The following SH2D3C variants were observed in gnomAD, a reference collection of about 807,000 sequenced individuals.
SH2D3C encodes the protein SH2 domain containing 3C.
A neutral mutation model predicts 75.2 loss-of-function variants in SH2D3C; 25 were observed. The ratio of observed to expected loss-of-function variants is 0.33; its 90% CI spans 0.24 to 0.46. The LOEUF is 0.46. SH2D3C is among the 20% of genes least tolerant of loss of function. The pLI is 1.00. For missense variants in SH2D3C, 933 were observed against 1,165.3 expected, an observed-to-expected ratio of 0.80 and a Z score of 2.90; for synonymous variants, 450 against 473.7, an observed-to-expected ratio of 0.95 and a Z score of 0.65.
At position 127,738,460 on chromosome 9, in the gene SH2D3C, G is replaced by T. The variant is rs1242582217; in HGVS notation, c.*286C>A. ...GAGAGTGAGGAGGCGTGAGCAGCCTGCCTCCCATGGCTCGAAAACAGGGAA... is the reference window on the plus strand; with the variant it reads ...GAGAGTGAGGAGGCGTGAGCAGCCTTCCTCCCATGGCTCGAAAACAGGGAA... On this transcript the variant is annotated 3_prime_UTR_variant, in exon 12 of 12. Coordinates refer to ENST00000314830, the MANE Select transcript of SH2D3C (RefSeq NM_170600.3). This position sits in a 1 kb window ranked among gnomAD's most constrained non-coding sequence, Gnocchi z 5.0. 12 of 302,580 alleles carry T rather than the reference G, an allele frequency of 4.0e-5. No homozygotes were observed. The highest frequency in any genetic ancestry group is 1.8e-5 in the Non-Finnish European group (3 of 162,432). 18.7% of individuals were successfully genotyped at this position (302,580 alleles called of 1,614,324 possible). A position where few individuals can be genotyped will look rare whatever the true frequency, so the allele number is the denominator to read the frequency against.
At chr9:127,766,809 A>C in intron 2 of SH2D3C, 1 of 858,538 alleles carries the variant, frequency 1.2e-6, no homozygotes, top group Non-Finnish European at 1.8e-6. Context: ...GCATCAGGTG[A>C]TCCACCTGCC....
rs982355058 is a variant in SH2D3C at position 127,749,838 on chromosome 9, G to T, written c.685-173C>A. Among the ~76,000 whole-genome samples the T allele has an allele frequency of 6.6e-6, 1 of 152,130 alleles. No individual in the cohort carries two copies. ...CTGAGAGCGGGGATGCAATGACCCA[G>T]GTTCACAGGGGGCACCTCAGCCAGA... On this transcript the variant is annotated intron_variant, in intron 4 of 11. Transcript: ENST00000314830. The surrounding 1 kb of genome is among the most constrained non-coding windows in gnomAD (Gnocchi z 5.9).
chr9:127,744,841 C>A lies in SH2D3C; in HGVS notation c.1523G>T (p.Trp508Leu), dbSNP rs765719751. The change falls in exon 7 of 12, where the codon TGG (tryptophan) becomes TTG (leucine). Residue 508 changes from tryptophan to leucine, a missense_variant. Coordinates refer to ENST00000314830, the MANE Select transcript of SH2D3C (RefSeq NM_170600.3). ...CTGGCTGGAGGTCTCAGTCGCTGCC[C>A]ACTCTCGGCTGCCACGCACGGGAGG... is the stretch of plus-strand genomic sequence containing the variant. ...LQPPVRGSRE[W>L]AATETSSQQA... 2 of 1,614,038 alleles carry A rather than the reference C, an allele frequency of 1.2e-6. No homozygotes were observed. The highest frequency in any genetic ancestry group is 1.3e-5 in the African/African-American group (1 of 74,922).
rs2131729888 is a variant in SH2D3C, at chr9:127,739,724, G to A, written c.2365C>T (p.His789Tyr). 1 of 1,610,930 alleles carries A rather than the reference G, an allele frequency of 6.2e-7. No individual in the cohort carries two copies. The highest frequency in any genetic ancestry group is 2.2e-5 in the East Asian group (1 of 44,872). Reference sequence around the variant, plus strand: ...GCATTGGTGTGGTACAGGCCTCCGTGGTGTGCCACTGTGCGGGCGGCCTCC... The same window carrying A: ...GCATTGGTGTGGTACAGGCCTCCGTAGTGTGCCACTGTGCGGGCGGCCTCC... ...HLEAARTVAH[H>Y]GGLYHTNAEV... Residue 789 changes from histidine (H) to tyrosine (Y), a missense_variant, in exon 11 of 12, where the codon CAC (histidine) becomes TAC (tyrosine). Transcript: ENST00000314830. The surrounding 1 kb of genome is among the most constrained non-coding windows in gnomAD (Gnocchi z 4.3).
intron 1 of SH2D3C, among the ~76,000 whole-genome samples, chr9:127,776,736 C>T (rs1845817664): frequency 6.6e-6 from 1 of 152,126 alleles, no homozygotes. Flanking sequence ...GAGGGACTCC[C>T]CCAGGGTCAC....
chr9:127,751,300 A>T lies in SH2D3C; in HGVS notation c.556T>A (p.Phe186Ile). 2 of 1,613,722 alleles carry T rather than the reference A, an allele frequency of 1.2e-6. No individual in the cohort carries two copies. The highest frequency in any genetic ancestry group is 1.7e-6 in the Non-Finnish European group (2 of 1,179,760). Reference sequence around the variant, plus strand: ...TCCAGGATGTACTTCTCCTTGGAGAACTGGGTAGAAAACAGCAAGAGTTGG... The same window carrying T: ...TCCAGGATGTACTTCTCCTTGGAGATCTGGGTAGAAAACAGCAAGAGTTGG... ...EPEAGSDYVK[F>I]SKEKYILDSS... Residue 186 changes from phenylalanine to isoleucine, a missense_variant and splice_region_variant, in exon 4 of 12, where the codon TTC becomes ATC. Coordinates refer to ENST00000314830, the MANE Select transcript of SH2D3C (RefSeq NM_170600.3). The surrounding 1 kb of genome is among the most constrained non-coding windows in gnomAD (Gnocchi z 4.1).
chr9:127,769,657 GAA>G (rs11368432), intron 2 of SH2D3C, among the ~76,000 whole-genome samples: 42 of 88,338 alleles, frequency 4.8e-4, no homozygotes, highest in African/African-American at 7.0e-4. Flanking sequence ...ACTCCATCTC[GAA>G]AAAAAAAAAA....
At chr9:127,771,478 C>T in intron 2 of SH2D3C, 5 of 888,182 alleles carry the variant, frequency 5.6e-6, no homozygotes, top group Non-Finnish European at 7.8e-6. Context: ...CCGCCCCCTC[C>T]CCATCAGTCA....
chr9:127,778,639 G>T lies in SH2D3C; in HGVS notation c.-12C>A. 1 of 1,613,444 alleles carries T rather than the reference G, an allele frequency of 6.2e-7. No individual in the cohort carries two copies. The highest frequency in any genetic ancestry group is 8.5e-7 in the Non-Finnish European group (1 of 1,179,392). On this transcript the variant is annotated 5_prime_UTR_variant, in exon 1 of 12. Transcript: ENST00000314830. ...GTCCCCTCTGTCATCTTGGCAAATT[G>T]TGTGAAGCCCTTGGCCAGCTTGCGA...
chr9:127,739,316 C>T lies in SH2D3C; in HGVS notation c.2407+366G>A, dbSNP rs564839817. Among the ~76,000 whole-genome samples, 5 of 152,074 alleles carry T rather than the reference C, an allele frequency of 3.3e-5. 1 individual carries two copies. Among genetic ancestry groups the T allele is most frequent in the South Asian group, 2.1e-4 (1 of 4,804 alleles). The stretch of plus-strand genomic sequence containing the variant: ...CCTGAGGTCAGGAGTTCAAGACCAG[C>T]GGCCCAACATGGTGGAACCCCACCT... On this transcript the variant is annotated intron_variant, in intron 11 of 11. Coordinates refer to ENST00000314830, the MANE Select transcript of SH2D3C (RefSeq NM_170600.3). This position sits in a 1 kb window ranked among gnomAD's most constrained non-coding sequence, Gnocchi z 4.3.
intron 3 of SH2D3C, among the ~76,000 whole-genome samples, chr9:127,759,018 C>T (rs1365696711): frequency 3.3e-5 from 5 of 152,202 alleles, no homozygotes; most frequent in African/African-American, 7.2e-5. Context: ...AGGCCCAGGT[C>T]GCCCACTCAC....
chr9:127,745,041 AG>A lies in SH2D3C; in HGVS notation c.1322del (p.Pro441LeufsTer85). The A allele has an allele frequency of 6.6e-7, 1 of 1,511,596 alleles. No homozygotes were observed. Among genetic ancestry groups the A allele is most frequent in the Non-Finnish European group, 8.8e-7 (1 of 1,130,828 alleles). The allele number at this position is 1,511,596 out of a possible 1,614,324, so 93.6% of individuals were successfully genotyped here. On this transcript the variant is annotated frameshift_variant, in exon 7 of 12. Transcript: ENST00000314830. LOFTEE classifies it high-confidence loss of function. ...GGGGCTCACTGGAACGGCGGGCGAC[AG>A]GGGAGGCAGGCAATGCTGTGGCAGA... ...APSATALPAS[P>X]VARRSSEPQL... is the part of the protein sequence containing the mutation.
At position 127,754,839 on chromosome 9, in the gene SH2D3C, C is replaced by T. The variant is rs1197856756; in HGVS notation, c.556-3539G>A. 1 of 494,054 alleles carries T rather than the reference C, an allele frequency of 2.0e-6. No homozygotes were observed. The highest frequency in any genetic ancestry group is 4.1e-6 in the Non-Finnish European group (1 of 242,538). The allele number at this position is 494,054 out of a possible 1,614,324, so 30.6% of individuals were successfully genotyped here. ...TGCGGAGGAGGCAGAAACGGACCGGCATCTACCGCAGCCCAGAGTCCCAGG... is the reference window on the plus strand; with the variant it reads ...TGCGGAGGAGGCAGAAACGGACCGGTATCTACCGCAGCCCAGAGTCCCAGG... On this transcript the variant is annotated intron_variant, in intron 3 of 11. Transcript: ENST00000314830. This position sits in a 1 kb window ranked among gnomAD's most constrained non-coding sequence, Gnocchi z 4.4.
At chr9:127,757,196 C>A (rs1845405942) in intron 3 of SH2D3C, among the ~76,000 whole-genome samples, 1 of 150,904 alleles carries the variant, frequency 6.6e-6, no homozygotes, top group Non-Finnish European at 1.5e-5. Context: ...GCCCGCATTA[C>A]ACGCATAAGC....
rs1391200945 is a variant in SH2D3C at position 127,749,282 on chromosome 9, C to T, written c.1068G>A (p.Lys356=). 2 of 1,607,882 alleles carry T rather than the reference C, an allele frequency of 1.2e-6. No individual in the cohort carries two copies. Among genetic ancestry groups the T allele is most frequent in the Non-Finnish European group, 1.7e-6 (2 of 1,176,716 alleles). The change falls in exon 5 of 12, where the codon AAG becomes AAA. Residue 356 remains lysine, a synonymous_variant. Transcript: ENST00000314830. This position sits in a 1 kb window ranked among gnomAD's most constrained non-coding sequence, Gnocchi z 5.9. ...SPSGPKGSHM[K]RRSVTMTDGL... is the part of the protein sequence containing the mutation. ...CATCGGTCATGGTGACGCTGCGCCGCTTCATGTGGCTGCCCTTGGGGCCTG... is the reference window on the plus strand; with the variant it reads ...CATCGGTCATGGTGACGCTGCGCCGTTTCATGTGGCTGCCCTTGGGGCCTG...
intron 1 of SH2D3C, among the ~76,000 whole-genome samples, chr9:127,777,087 A>G (rs923946591): frequency 2.6e-5 from 4 of 152,180 alleles, no homozygotes; most frequent in Admixed American, 1.3e-4. Context: ...TGTGACCTCA[A>G]GCAAGTCTCT....
intron 6 of SH2D3C, among the ~76,000 whole-genome samples, chr9:127,746,587 G>A (rs1262625101): frequency 2.6e-5 from 4 of 152,196 alleles, no homozygotes; most frequent in African/African-American, 9.7e-5. Flanking sequence ...TGGATCACCT[G>A]AGGTCAGGAG....
intron 2 of SH2D3C, among the ~76,000 whole-genome samples, chr9:127,771,950 AC>A (rs1244027968): frequency 1.3e-5 from 2 of 152,188 alleles, no homozygotes; most frequent in African/African-American, 4.8e-5. Flanking sequence ...CCACAACCCG[AC>A]CAGGTAGATG....
At chr9:127,755,105 A>G in intron 3 of SH2D3C, 1 of 1,216,826 alleles carries the variant, frequency 8.2e-7, no homozygotes. Flanking sequence ...GAGCCGCGGT[A>G]GAAGCAGCAG....
Sources: gnomAD v4.1 joint callset for allele counts (sites outside exome capture counted in the v4.1 genomes callset) on GRCh38, gnomAD v4.1.1 for gene constraint, Gnocchi (gnomAD v3.1) non-coding constraint, MANE v1.5 for transcripts, NCBI Gene and HGNC (gene_info 2026-07-23, HGNC 2026-07-21) for gene names.